Variants in KIF6 observed in about 807,000 individuals in gnomAD.
The protein encoded by KIF6 is kinesin family member 6.
A neutral mutation model predicts 112.7 loss-of-function variants in KIF6; 106 were observed. The ratio of observed to expected loss-of-function variants is 0.94; its 90% confidence interval spans 0.80 to 1.11. KIF6 has a LOEUF of 1.11. Ranked by LOEUF, KIF6 falls within the 50% of genes least tolerant of loss-of-function variation. The pLI is 0.00. For synonymous variants in KIF6, 339 were observed against 339.9 expected (o/e 1.00, Z 0.03); for missense variants, 929 against 964.0 (o/e 0.96, Z 0.48).
At chr6:39,356,560 C>T (rs959381223) in intron 19 of KIF6, among the ~76,000 whole-genome samples, 21 of 152,148 alleles carry the variant, frequency 1.4e-4, no homozygotes, top group African/African-American at 4.1e-4. Context: ...CCACCGTGCC[C>T]GGCCCTCTGA....
At chr6:39,617,819 G>A in intron 5 of KIF6, 3 of 446,514 alleles carry the variant, frequency 6.7e-6, no homozygotes, top group Non-Finnish European at 1.4e-5. Flanking sequence ...ATGGGTGGGG[G>A]TGCACCAGGC....
At chr6:39,714,276 G>T (rs1413550217) in intron 3 of KIF6, among the ~76,000 whole-genome samples, 1 of 152,092 alleles carries the variant, frequency 6.6e-6, no homozygotes, top group Non-Finnish European at 1.5e-5. Flanking sequence ...AGCCTCCCAG[G>T]TGCCACCCAT....
At chr6:39,422,575 C>T (rs1017944915) in intron 14 of KIF6, among the ~76,000 whole-genome samples, 5 of 152,156 alleles carry the variant, frequency 3.3e-5, no homozygotes, top group Non-Finnish European at 5.9e-5. Context: ...GTTGTCAAGA[C>T]GAACTCTGAA....
Position 39,587,846 on chromosome 6 carries a change from G to GGACA in KIF6, c.847-1446_847-1443dup, listed in dbSNP as rs146430442. Among the ~76,000 whole-genome samples the GGACA allele has an allele frequency of 7.6e-4, 116 of 152,188 alleles. No homozygotes were observed. The Middle Eastern group carries it at 0.01, about 13-fold the overall frequency. On this transcript the variant is annotated intron_variant, in intron 7 of 22. Transcript: ENST00000287152. Reference sequence around the variant, plus strand: ...TTCTGAATTAATTTCCCTTTCATCTGGACAATTCCCATTCTGCATGCCCAC... The same window carrying GGACA: ...TTCTGAATTAATTTCCCTTTCATCTGGACAGACAATTCCCATTCTGCATGCCCAC...
intron 3 of KIF6, among the ~76,000 whole-genome samples, chr6:39,654,209 G>A (rs568833095): frequency 6.6e-6 from 1 of 152,126 alleles, no homozygotes; most frequent in South Asian, 2.1e-4. Flanking sequence ...AAGACACCAG[G>A]GTGGTGGGGG....
intron 5 of KIF6, among the ~76,000 whole-genome samples, chr6:39,617,388 A>C (rs1783576922): frequency 6.6e-6 from 1 of 152,064 alleles, no homozygotes. Flanking sequence ...CCTCCACCCC[A>C]CACCCTACCT....
At chr6:39,372,570 T>G (rs909180051) in intron 16 of KIF6, among the ~76,000 whole-genome samples, 1 of 152,166 alleles carries the variant, frequency 6.6e-6, no homozygotes, top group Non-Finnish European at 1.5e-5. Flanking sequence ...CTTCATAGAG[T>G]TCTGGGAATT....
intron 3 of KIF6, among the ~76,000 whole-genome samples, chr6:39,646,109 T>A (rs1006465286): frequency 1.3e-5 from 2 of 149,738 alleles, no homozygotes; most frequent in Non-Finnish European, 3.0e-5. Flanking sequence ...CCCTAGAACT[T>A]AACGTATAAG....
chr6:39,495,867 G>A (rs1456131466), intron 13 of KIF6, among the ~76,000 whole-genome samples: 2 of 152,142 alleles, frequency 1.3e-5, no homozygotes, highest in African/African-American at 4.8e-5. Flanking sequence ...CCTTTGTCAT[G>A]TATAAATGTG....
intron 3 of KIF6, among the ~76,000 whole-genome samples, chr6:39,701,618 C>T (rs867543006): frequency 2.6e-4 from 39 of 152,330 alleles, no homozygotes; most frequent in Middle Eastern, 6.8e-3. Context: ...ACAGCAACCG[C>T]TGAGCATTAA....
chr6:39,341,782 A>G (rs896795010), intron 22 of KIF6, among the ~76,000 whole-genome samples: 7 of 152,168 alleles, frequency 4.6e-5, no homozygotes, highest in African/African-American at 1.7e-4. Flanking sequence ...TCAAAAGCCC[A>G]GGAGGTGCCC....
intron 12 of KIF6, among the ~76,000 whole-genome samples, chr6:39,542,299 G>A (rs1020078915): frequency 2.0e-5 from 3 of 152,056 alleles, no homozygotes; most frequent in Admixed American, 6.6e-5. Flanking sequence ...CCATTTATGG[G>A]AATGGCCTTT....
At chr6:39,649,458 C>G (rs772399959) in intron 3 of KIF6, among the ~76,000 whole-genome samples, 1 of 152,098 alleles carries the variant, frequency 6.6e-6, no homozygotes, top group Non-Finnish European at 1.5e-5. Context: ...TATACATCTG[C>G]GGGCATACTG....
chr6:39,553,730 A>T (rs1779526702), intron 10 of KIF6: 1 of 152,246 alleles, frequency 6.6e-6, no homozygotes, highest in Non-Finnish European at 1.5e-5. Context: ...ATGACTAAAC[A>T]TTTTAAATTC....
At chr6:39,336,612 T>G (rs1248212516) in intron 22 of KIF6, 64 bp from the exon 23 acceptor site, 1 of 1,522,592 alleles carries the variant, frequency 6.6e-7, no homozygotes, top group Non-Finnish European at 9.1e-7. Context: ...TTCCCAGGAT[T>G]GAATCGGGGG....
chr6:39,562,242 C>A (rs541349669), intron 10 of KIF6, among the ~76,000 whole-genome samples: 1 of 152,286 alleles, frequency 6.6e-6, no homozygotes, highest in East Asian at 1.9e-4. Flanking sequence ...ACTTCTAACA[C>A]ACCAAAAATC....
At chr6:39,625,035 G>A (rs999226821) in intron 5 of KIF6, among the ~76,000 whole-genome samples, 4 of 131,600 alleles carry the variant, frequency 3.0e-5, no homozygotes, top group Non-Finnish European at 6.3e-5. Flanking sequence ...TATAAGAAGA[G>A]CTCTCTCTCT....
intron 10 of KIF6, among the ~76,000 whole-genome samples, chr6:39,573,028 AT>A (rs1389345470): frequency 6.6e-6 from 1 of 150,718 alleles, no homozygotes; most frequent in Non-Finnish European, 1.5e-5. Context: ...TATCTACTAA[AT>A]ATCTGCTTTC....
chr6:39,569,383 C>A (rs2150615672), intron 10 of KIF6, among the ~76,000 whole-genome samples: 1 of 152,174 alleles, frequency 6.6e-6, no homozygotes, highest in East Asian at 1.9e-4. Flanking sequence ...GACATATAGT[C>A]ATTGGGATGG....
Sources: gnomAD v4.1 joint callset for allele counts (sites outside exome capture counted in the v4.1 genomes callset) on GRCh38, gnomAD v4.1.1 for gene constraint, MANE v1.5 for transcripts, NCBI Gene and HGNC (gene_info 2026-07-23, HGNC 2026-07-21) for gene names.